The following FLVCR1 variants were observed in gnomAD, a reference collection of about 807,000 sequenced individuals.
FLVCR1 encodes the protein choline/ethanolamine transporter FLVCR1.
A neutral mutation model predicts 53.6 loss-of-function variants in FLVCR1; 34 were observed. The observed-to-expected ratio is 0.63, with a 90% CI of 0.48 to 0.84. The LOEUF is 0.84. Among genes scored for constraint, FLVCR1 ranks in the 40% least tolerant of loss-of-function variants. The pLI, the probability that FLVCR1 is intolerant of heterozygous loss-of-function variation, is 0.00. For synonymous variants in FLVCR1, 300 were observed against 286.3 expected, an observed-to-expected ratio of 1.05 and a Z score of -0.48; for missense variants, 677 against 696.7, an observed-to-expected ratio of 0.97 and a Z score of 0.32.
At chr1:212,873,104 G>T (rs1664651544) in intron 3 of FLVCR1, among the ~76,000 whole-genome samples, 1 of 152,084 alleles carries the variant, frequency 6.6e-6, no homozygotes, top group Admixed American at 6.6e-5. Flanking sequence ...GTCAGGAGTT[G>T]CATGTCAGGA....
intron 8 of FLVCR1, among the ~76,000 whole-genome samples, chr1:212,894,148 A>C (rs1038475631): frequency 1.5e-4 from 23 of 152,010 alleles, no homozygotes; most frequent in Admixed American, 8.5e-4. Flanking sequence ...CAAACTTTAA[A>C]TAGACTACAG....
At chr1:212,893,951 T>C (rs534308494) in intron 8 of FLVCR1, among the ~76,000 whole-genome samples, 1 of 151,930 alleles carries the variant, frequency 6.6e-6, no homozygotes, top group African/African-American at 2.4e-5. Flanking sequence ...AATTTTTGTA[T>C]TTTAGTAGAG....
At chr1:212,888,169 A>C (rs1295794043) in intron 6 of FLVCR1, among the ~76,000 whole-genome samples, 168 bp downstream of exon 6, 1 of 152,228 alleles carries the variant, frequency 6.6e-6, no homozygotes, top group African/African-American at 2.4e-5. Context: ...AACTATTAAA[A>C]ATTATTTAAA....
intron 2 of FLVCR1, among the ~76,000 whole-genome samples, chr1:212,868,747 C>G (rs1228807486): frequency 2.0e-5 from 3 of 152,170 alleles, no homozygotes; most frequent in Non-Finnish European, 2.9e-5. Flanking sequence ...TTAACTTAGT[C>G]TGTAAGAATT....
chr1:212,864,947 T>A (rs998586645), intron 2 of FLVCR1, among the ~76,000 whole-genome samples: 1 of 152,182 alleles, frequency 6.6e-6, no homozygotes, highest in Admixed American at 6.5e-5. Context: ...AGCAGAATGT[T>A]CTCTTGGTAA....
rs377087497 is a variant in FLVCR1 at position 212,889,270 on chromosome 1, G to A, written c.1525+13G>A. On this transcript the variant is annotated intron_variant, in intron 8 of 9. Transcript: ENST00000366971. ...ATCATATTAACAGGTAAATTAGGGCGTTTGCCTGGCAAAAGGACTTGTGTC... is the reference window on the plus strand; with the variant it reads ...ATCATATTAACAGGTAAATTAGGGCATTTGCCTGGCAAAAGGACTTGTGTC... 3.7e-5 allele frequency: 56 copies of A among 1,510,568 alleles called. No homozygotes were observed. The highest frequency in any genetic ancestry group is 2.0e-4 in the Admixed American group (12 of 59,850). 93.6% of individuals were successfully genotyped at this position (1,510,568 alleles called of 1,614,324 possible).
At chr1:212,861,858 G>C (rs889007110) in intron 1 of FLVCR1, among the ~76,000 whole-genome samples, 3 of 151,972 alleles carry the variant, frequency 2.0e-5, no homozygotes, top group Non-Finnish European at 4.4e-5. Flanking sequence ...TTTTAGTAGA[G>C]ACTGGGTTTC....
At chr1:212,876,781 G>T (rs10779590) in intron 3 of FLVCR1, among the ~76,000 whole-genome samples, 70,438 of 152,006 alleles carry the variant, frequency 0.46, 17,560 homozygotes, top group East Asian at 0.56. Flanking sequence ...CTATTGTGAA[G>T]AGTGCTGCAG....
chr1:212,865,999 T>C (rs1285635716), intron 2 of FLVCR1, among the ~76,000 whole-genome samples: 1 of 92,658 alleles, frequency 1.1e-5, no homozygotes, highest in Non-Finnish European at 2.6e-5. Context: ...TTTTTTTTTT[T>C]TTTGAGACAG....
chr1:212,869,379 T>C (rs1664533732), intron 2 of FLVCR1, among the ~76,000 whole-genome samples: 1 of 152,230 alleles, frequency 6.6e-6, no homozygotes, highest in South Asian at 2.1e-4. Context: ...TGGCTTTTTG[T>C]TTCTCTTTCT....
chr1:212,869,280 C>G (rs1664531752), intron 2 of FLVCR1, among the ~76,000 whole-genome samples: 1 of 152,132 alleles, frequency 6.6e-6, no homozygotes, highest in South Asian at 2.1e-4. Context: ...CAATAGAAAG[C>G]TATTATTTTT....
chr1:212,888,408 C>A, intron 6 of FLVCR1, 81 bp from the exon 7 acceptor site: 1 of 962,840 alleles, frequency 1.0e-6, no homozygotes, highest in Non-Finnish European at 1.7e-6. Context: ...TAGAATAAGC[C>A]CGAGAGGCAG....
chr1:212,885,546 G>GTGTCTTT, intron 5 of FLVCR1, 150 bp downstream of exon 5: 1 of 289,696 alleles, frequency 3.5e-6, no homozygotes, highest in Non-Finnish European at 6.1e-6. Context: ...CTTAACAAGT[G>GTGTCTTT]TTTCTTTTTT....
At chr1:212,864,802 A>G (rs558174610) in intron 2 of FLVCR1, among the ~76,000 whole-genome samples, 1 of 152,356 alleles carries the variant, frequency 6.6e-6, no homozygotes, top group Admixed American at 6.5e-5. Flanking sequence ...ATCTCCAGAT[A>G]TAAAATTCTT....
At position 212,863,780 on chromosome 1, in the gene FLVCR1, A is replaced by G. The variant is rs1321966712; in HGVS notation, c.794A>G (p.Asn265Ser). The G allele has an allele frequency of 6.2e-7, 1 of 1,613,978 alleles. No individual in the cohort carries two copies. The highest frequency in any genetic ancestry group is 1.3e-5 in the African/African-American group (1 of 75,040). The change falls in exon 2 of 10, where the codon AAT becomes AGT. Residue 265 changes from asparagine (N) to serine (S), a missense_variant. Coordinates refer to ENST00000366971, the MANE Select transcript of FLVCR1 (RefSeq NM_014053.4). ...CCAGTTTTAGTACCCAACACACAGA[A>G]TGACACAAATCTCCTGGCTTGTAAT... ...LPPVLVPNTQ[N>S]DTNLLACNIS...
chr1:212,887,055 C>A (rs1665082688), intron 5 of FLVCR1, among the ~76,000 whole-genome samples: 1 of 152,146 alleles, frequency 6.6e-6, no homozygotes, highest in African/African-American at 2.4e-5. Context: ...GTCCCGTGTA[C>A]CTTTCAAGGC....
intron 2 of FLVCR1, among the ~76,000 whole-genome samples, chr1:212,872,449 C>G (rs1323473158): frequency 1.3e-5 from 2 of 152,160 alleles, no homozygotes; most frequent in African/African-American, 4.8e-5. Context: ...GGCCATATCT[C>G]TGAGTTTTAG....
At chr1:212,873,960 A>T (rs1370902061) in intron 3 of FLVCR1, among the ~76,000 whole-genome samples, 1 of 152,170 alleles carries the variant, frequency 6.6e-6, no homozygotes, top group East Asian at 1.9e-4. Context: ...TTCAACAGTT[A>T]TCAATATTTT....
At chr1:212,877,883 A>G (rs1159440543) in intron 3 of FLVCR1, among the ~76,000 whole-genome samples, 1 of 152,256 alleles carries the variant, frequency 6.6e-6, no homozygotes, top group East Asian at 1.9e-4. Context: ...CTTCTGTTCA[A>G]CATCTAACTG....
Sources: allele counts gnomAD v4.1 joint callset (sites outside exome capture counted in the v4.1 genomes callset), GRCh38; gene constraint gnomAD v4.1.1; transcripts MANE v1.5; gene names NCBI Gene and HGNC (gene_info 2026-07-23, HGNC 2026-07-21).